DPP8: variants seen among roughly 807,000 people sequenced by gnomAD.
DPP8 encodes DPP VIII.
In DPP8, 31 loss-of-function variants were observed where a neutral mutation model predicts 107.5. The observed-to-expected ratio is 0.29, with a 90% CI of 0.22 to 0.39. DPP8 has a LOEUF of 0.39. Among genes scored for constraint, DPP8 ranks in the 10% least tolerant of loss-of-function variants. The pLI is 1.00. For missense variants in DPP8, 842 were observed against 1,076.1 expected (o/e 0.78, Z 3.04); for synonymous variants, 381 against 356.6 (o/e 1.07, Z -0.77).
chr15:65,515,289 A>G (rs953501684), intron 1 of DPP8, among the ~76,000 whole-genome samples: 12 of 152,156 alleles, frequency 7.9e-5, no homozygotes, highest in African/African-American at 2.9e-4. Context: ...ATTAGCTTAC[A>G]TTTAAATTAT....
chr15:65,449,293 A>G (rs1445516546), intron 19 of DPP8, among the ~76,000 whole-genome samples: 1 of 147,794 alleles, frequency 6.8e-6, no homozygotes, highest in Non-Finnish European at 1.5e-5. Flanking sequence ...TAATATATAT[A>G]TTTAAAACAA....
intron 17 of DPP8, among the ~76,000 whole-genome samples, chr15:65,453,296 C>A (rs1325576963): frequency 6.6e-6 from 1 of 152,162 alleles, no homozygotes; most frequent in Non-Finnish European, 1.5e-5. Flanking sequence ...TAAGTAATTA[C>A]GATCCATCAG....
rs752589950 is a variant in DPP8, at chr15:65,442,995, A to G, written c.*3889T>C. ...AGCAAGCACTCTACTCTATATTCCA[A>G]TCCTCAAATCCTCCACTATACCAAG... On this transcript the variant is annotated 3_prime_UTR_variant, in exon 20 of 20. Transcript: ENST00000300141. 1.3e-5 allele frequency: 2 copies of G among 152,182 alleles called. No individual in the cohort carries two copies. The highest frequency in any genetic ancestry group is 2.9e-5 in the Non-Finnish European group (2 of 68,028). 9.4% of individuals were successfully genotyped at this position (152,182 alleles called of 1,614,324 possible).
chr15:65,507,910 T>C (rs371098834), intron 2 of DPP8, among the ~76,000 whole-genome samples: 5 of 152,124 alleles, frequency 3.3e-5, no homozygotes, highest in East Asian at 1.9e-4. Flanking sequence ...TGGAAACACA[T>C]AGATCTAACT....
chr15:65,506,673 T>C (rs2070063557), intron 3 of DPP8, among the ~76,000 whole-genome samples: 1 of 148,860 alleles, frequency 6.7e-6, no homozygotes, highest in South Asian at 2.1e-4. Flanking sequence ...TAAACATATG[T>C]GCACTGAAAT....
At chr15:65,474,710 C>A (rs1400542196) in intron 11 of DPP8, among the ~76,000 whole-genome samples, 1 of 152,204 alleles carries the variant, frequency 6.6e-6, no homozygotes, top group Non-Finnish European at 1.5e-5. Context: ...GGCCTAAAGC[C>A]CCCTGGCCTT....
At position 65,511,357 on chromosome 15, in the gene DPP8, C is replaced by T. The variant is rs77571793; in HGVS notation, c.259+938G>A. The stretch of plus-strand genomic sequence containing the variant: ...TCAAAACATTAGCTGGTTGTGGCAG[C>T]GTGTGACCATTATTAGAGGTCTGGT... On this transcript the variant is annotated intron_variant, in intron 2 of 19. Transcript: ENST00000300141. Among the ~76,000 whole-genome samples, 466 of 151,686 alleles carry T rather than the reference C, an allele frequency of 3.1e-3. 1 individual carries two copies. Among genetic ancestry groups the T allele is most frequent in the African/African-American group, 0.011 (449 of 41,318 alleles).
At chr15:65,509,555 A>G (rs954481513) in intron 2 of DPP8, among the ~76,000 whole-genome samples, 3 of 152,226 alleles carry the variant, frequency 2.0e-5, no homozygotes, top group Non-Finnish European at 4.4e-5. Context: ...AACAGTATCA[A>G]TGAGTCTTGT....
At chr15:65,489,650 C>T (rs1197180116) in intron 6 of DPP8, among the ~76,000 whole-genome samples, 2 of 150,836 alleles carry the variant, frequency 1.3e-5, no homozygotes, top group Admixed American at 1.3e-4. Context: ...GATCTCCTGA[C>T]CTCGTGATCC....
chr15:65,456,434 G>T, intron 15 of DPP8, 63 bp from the exon 16 acceptor site: 2 of 1,474,570 alleles, frequency 1.4e-6, no homozygotes, highest in East Asian at 2.4e-5. Flanking sequence ...AGAGCGGCTG[G>T]GCATTGCAAG....
intron 2 of DPP8, among the ~76,000 whole-genome samples, chr15:65,508,214 T>G (rs1348716989): frequency 6.6e-6 from 1 of 151,610 alleles, no homozygotes; most frequent in Non-Finnish European, 1.5e-5. Flanking sequence ...CACTCTGGCC[T>G]GGGCAACAGA....
chr15:65,447,183 T>TTCA (rs2063541492), intron 19 of DPP8, among the ~76,000 whole-genome samples, 177 bp from the exon 20 acceptor site: 2 of 152,150 alleles, frequency 1.3e-5, no homozygotes, highest in African/African-American at 4.8e-5. Context: ...ATTTCCTTAT[T>TTCA]TAACATTAGG....
chr15:65,510,292 G>C lies in DPP8; in HGVS notation c.259+2003C>G, dbSNP rs190017581. Among the ~76,000 whole-genome samples, 159 of 152,236 alleles carry C rather than the reference G, an allele frequency of 1.0e-3. 2 individuals are homozygous for C. The highest frequency in any genetic ancestry group is 0.01 in the East Asian group (53 of 5,190). ...GATCATGCCACTGTACTCCAGCCTA[G>C]AAGACTGAGACCCCGTCTCAAAAAA... On this transcript the variant is annotated intron_variant, in intron 2 of 19. Coordinates refer to ENST00000300141, the MANE Select transcript of DPP8 (RefSeq NM_130434.5).
chr15:65,471,149 T>C (rs1423290101), intron 12 of DPP8, among the ~76,000 whole-genome samples: 1 of 152,216 alleles, frequency 6.6e-6, no homozygotes, highest in Non-Finnish European at 1.5e-5. Context: ...CAGTGTAGTT[T>C]TCTGTTTTCA....
chr15:65,467,024 A>T, intron 13 of DPP8, 47 bp downstream of exon 13: 1 of 1,604,384 alleles, frequency 6.2e-7, no homozygotes, highest in Non-Finnish European at 8.5e-7. Context: ...TTACATAAGC[A>T]GAGAGTTTTA....
chr15:65,487,228 C>T (rs905847933), intron 7 of DPP8, among the ~76,000 whole-genome samples: 3 of 151,982 alleles, frequency 2.0e-5, no homozygotes, highest in African/African-American at 7.3e-5. Context: ...CAACTCACTA[C>T]AACCTCTGCC....
At chr15:65,492,252 G>C (rs977789678) in intron 5 of DPP8, among the ~76,000 whole-genome samples, 4 of 152,014 alleles carry the variant, frequency 2.6e-5, no homozygotes, top group Non-Finnish European at 5.9e-5. Flanking sequence ...TGAGGTAGGA[G>C]AATCACTTGA....
Position 65,446,866 on chromosome 15 carries a change from G to A in DPP8, c.*18C>T. The stretch of plus-strand genomic sequence containing the variant: ...TTAAATAGCCAGTGTATACCAGAGA[G>A]TTCTACACAGGTCAAAATTATATCA... On this transcript the variant is annotated 3_prime_UTR_variant, in exon 20 of 20. Coordinates refer to ENST00000300141, the MANE Select transcript of DPP8 (RefSeq NM_130434.5). 1 of 1,605,094 alleles carries A rather than the reference G, an allele frequency of 6.2e-7. No individual in the cohort carries two copies. The highest frequency in any genetic ancestry group is 1.7e-5 in the Admixed American group (1 of 58,452).
intron 4 of DPP8, among the ~76,000 whole-genome samples, chr15:65,499,022 C>T (rs1033517263): frequency 6.6e-6 from 1 of 151,108 alleles, no homozygotes; most frequent in African/African-American, 2.4e-5. Flanking sequence ...CTTGCCACTG[C>T]ACTCCAGCCT....
Sources: allele counts gnomAD v4.1 joint callset (sites outside exome capture counted in the v4.1 genomes callset), GRCh38; gene constraint gnomAD v4.1.1; transcripts MANE v1.5; gene names NCBI Gene and HGNC (gene_info 2026-07-23, HGNC 2026-07-21).